CDH13: variants seen among roughly 807,000 people sequenced by gnomAD.
CDH13 encodes the protein cadherin 13.
In CDH13, 24 loss-of-function variants were observed where a neutral mutation model predicts 63.8. The ratio of observed to expected loss-of-function variants is 0.38; its 90% CI spans 0.27 to 0.53. CDH13 has a LOEUF of 0.53. Ranked by LOEUF, CDH13 falls within the 20% of genes least tolerant of loss-of-function variation. The pLI is 0.85. For missense variants in CDH13, 1,049 were observed against 903.1 expected, an observed-to-expected ratio of 1.16 and a Z score of -2.07; for synonymous variants, 503 against 355.3, an observed-to-expected ratio of 1.42 and a Z score of -4.67.
At chr16:83,678,575 A>C in intron 10 of CDH13, 114 bp downstream of exon 10, 1 of 1,310,532 alleles carries the variant, frequency 7.6e-7, no homozygotes, top group Non-Finnish European at 1.1e-6. Flanking sequence ...CTTGTTAACA[A>C]TCTCAGCAAG....
At chr16:83,774,691 A>T (rs1263087145) in intron 11 of CDH13, among the ~76,000 whole-genome samples, 1 of 152,192 alleles carries the variant, frequency 6.6e-6, no homozygotes, top group Non-Finnish European at 1.5e-5. Context: ...TATTTGTGAA[A>T]AAAAAATAAA....
intron 2 of CDH13, among the ~76,000 whole-genome samples, chr16:82,960,966 T>G (rs1906888738): frequency 6.6e-6 from 1 of 152,238 alleles, no homozygotes; most frequent in African/African-American, 2.4e-5. Flanking sequence ...GATAGTTTTT[T>G]CATTGCTGGA....
intron 6 of CDH13, among the ~76,000 whole-genome samples, chr16:83,473,173 T>C (rs535857814): frequency 2.4e-4 from 36 of 152,288 alleles, no homozygotes; most frequent in African/African-American, 7.7e-4. Context: ...TTCCATAGAC[T>C]CATAAAGCAA....
At chr16:83,242,436 AT>A (rs1047873354) in intron 5 of CDH13, among the ~76,000 whole-genome samples, 2 of 152,056 alleles carry the variant, frequency 1.3e-5, no homozygotes, top group Non-Finnish European at 2.9e-5. Flanking sequence ...ACATCAAAAG[AT>A]TTTTTCCCCA....
chr16:83,055,117 AG>A (rs1329695401), intron 3 of CDH13, among the ~76,000 whole-genome samples: 3 of 152,106 alleles, frequency 2.0e-5, no homozygotes, highest in Non-Finnish European at 4.4e-5. Flanking sequence ...AATAGTAAGA[AG>A]TAGAAAATAG....
Position 83,164,227 on chromosome 16 carries a change from G to T in CDH13, c.483+38726G>T, listed in dbSNP as rs566855111. ...TCTGTCAACCTGTAGAAGTAGGCAT[G>T]ATTAACTTAATTTTCCATTGTGAAC... On this transcript the variant is annotated intron_variant, in intron 4 of 13. Transcript: ENST00000567109. 1.3e-3 allele frequency among the ~76,000 whole-genome samples: 196 copies of T among 152,000 alleles called. 2 individuals carry two copies. The highest frequency in any genetic ancestry group is 2.2e-3 in the Non-Finnish European group (147 of 68,002).
chr16:83,508,087 G>GGAAGGAAGGAAGGAAGGAAA (rs2074451260), intron 7 of CDH13, among the ~76,000 whole-genome samples: 1 of 72,084 alleles, frequency 1.4e-5, no homozygotes, highest in African/African-American at 5.2e-5. Flanking sequence ...AAGGAAGGAA[G>GGAAGGAAGGAAGGAAGGAAA]GAAGGAAGGA....
At chr16:83,186,725 C>T (rs1446160995) in intron 4 of CDH13, among the ~76,000 whole-genome samples, 1 of 152,072 alleles carries the variant, frequency 6.6e-6, no homozygotes, top group East Asian at 1.9e-4. Context: ...ATCGGATGAG[C>T]TCATTGTAAC....
chr16:82,850,285 C>T (rs1170145416), intron 1 of CDH13, among the ~76,000 whole-genome samples: 2 of 152,156 alleles, frequency 1.3e-5, no homozygotes, highest in Non-Finnish European at 2.9e-5. Context: ...TTTCAATCCT[C>T]ATGGATGATT....
chr16:83,275,673 G>T (rs938164266), intron 5 of CDH13, among the ~76,000 whole-genome samples: 4 of 152,132 alleles, frequency 2.6e-5, no homozygotes, highest in Non-Finnish European at 5.9e-5. Flanking sequence ...GAAGATAAGG[G>T]GGGGCCTGCT....
At chr16:82,711,122 G>A (rs1179922415) in intron 1 of CDH13, among the ~76,000 whole-genome samples, 1 of 152,018 alleles carries the variant, frequency 6.6e-6, no homozygotes, top group Non-Finnish European at 1.5e-5. Flanking sequence ...CTTTCTCAGG[G>A]CTTCTAAATA....
intron 8 of CDH13, among the ~76,000 whole-genome samples, chr16:83,653,746 C>G (rs1443406462): frequency 3.9e-5 from 6 of 152,172 alleles, no homozygotes; most frequent in Non-Finnish European, 8.8e-5. Context: ...AATAATCCAA[C>G]AAGCTGGGTA....
intron 10 of CDH13, among the ~76,000 whole-genome samples, chr16:83,706,560 A>T (rs1432580641): frequency 6.6e-6 from 1 of 152,064 alleles, no homozygotes; most frequent in African/African-American, 2.4e-5. Context: ...AAATCAGTGA[A>T]CCCTTTACTG....
At chr16:82,716,560 A>G (rs1477239300) in intron 1 of CDH13, among the ~76,000 whole-genome samples, 1 of 149,874 alleles carries the variant, frequency 6.7e-6, no homozygotes, top group Non-Finnish European at 1.5e-5. Flanking sequence ...ATCCTGGAAA[A>G]GAGAAGGCTG....
At chr16:83,058,447 C>A (rs986391294) in intron 3 of CDH13, among the ~76,000 whole-genome samples, 1 of 152,110 alleles carries the variant, frequency 6.6e-6, no homozygotes, top group Non-Finnish European at 1.5e-5. Flanking sequence ...AATTCATTTC[C>A]CCTTTTCCCA....
At chr16:83,721,412 G>C (rs1909675267) in intron 10 of CDH13, 1 of 152,224 alleles carries the variant, frequency 6.6e-6, no homozygotes, top group Non-Finnish European at 1.5e-5. Context: ...GGAGAGGTTT[G>C]CTGTTTAAAA....
chr16:83,167,368 A>G (rs1034513833), intron 4 of CDH13, among the ~76,000 whole-genome samples: 2 of 151,838 alleles, frequency 1.3e-5, no homozygotes, highest in African/African-American at 4.8e-5. Context: ...ATGCTGGTGC[A>G]TACCTGTAAT....
At chr16:83,240,041 G>A (rs938999424) in intron 5 of CDH13, among the ~76,000 whole-genome samples, 9 of 152,208 alleles carry the variant, frequency 5.9e-5, no homozygotes, top group Non-Finnish European at 1.3e-4. Context: ...CAAGATGGTG[G>A]AGGATGCAGG....
At chr16:82,851,922 A>G (rs1404123936) in intron 1 of CDH13, among the ~76,000 whole-genome samples, 2 of 152,348 alleles carry the variant, frequency 1.3e-5, no homozygotes, top group East Asian at 3.9e-4. Context: ...ACTGACTTTA[A>G]CAAGAGTAAA....
Sources: gnomAD v4.1 joint callset for allele counts (sites outside exome capture counted in the v4.1 genomes callset) on GRCh38, gnomAD v4.1.1 for gene constraint, MANE v1.5 for transcripts, NCBI Gene and HGNC (gene_info 2026-07-23, HGNC 2026-07-21) for gene names.